GPD2: variants seen among roughly 807,000 people sequenced by gnomAD.
GPD2 encodes the protein glycerol-3-phosphate dehydrogenase, mitochondrial.
Under a neutral mutation model 82.4 loss-of-function variants are expected in GPD2, and 54 were observed. That is an observed-to-expected ratio of 0.66 (90% CI 0.53 to 0.82). GPD2 has a LOEUF of 0.82. Ranked by LOEUF, GPD2 falls within the 40% of genes least tolerant of loss-of-function variation. The probability of loss-of-function intolerance (pLI) is 0.00; values close to 1 mark genes in which losing one functional copy is unlikely to be tolerated. For missense variants in GPD2, 748 were observed against 896.2 expected, an observed-to-expected ratio of 0.83 and a Z score of 2.11; for synonymous variants, 288 against 306.1, an observed-to-expected ratio of 0.94 and a Z score of 0.62.
In GPD2 at chr2:156,554,378, T is replaced by A. The variant is rs143772339; in HGVS notation, c.972-3011T>A. Among the ~76,000 whole-genome samples the A allele has an allele frequency of 8.1e-3, 1,233 of 152,338 alleles. 5 individuals carry two copies. Among genetic ancestry groups the A allele is most frequent in the Non-Finnish European group, 0.012 (807 of 68,024 alleles). On this transcript the variant is annotated intron_variant, in intron 8 of 16. Coordinates refer to ENST00000438166, the MANE Select transcript of GPD2 (RefSeq NM_000408.5). ...AGTTAGAACCTGATCCATTTGGAAA[T>A]GCAGTGAGTTCAGCAAGCATTGATT...
intron 15 of GPD2, among the ~76,000 whole-genome samples, 169 bp downstream of exon 15, chr2:156,579,333 T>G (rs1316866164): frequency 6.7e-6 from 1 of 149,142 alleles, no homozygotes; most frequent in South Asian, 2.1e-4. Context: ...TTCTTTCTTT[T>G]TTTTTTTTTT....
chr2:156,451,888 G>T (rs991347569), intron 1 of GPD2, among the ~76,000 whole-genome samples: 1 of 150,700 alleles, frequency 6.6e-6, no homozygotes, highest in African/African-American at 2.4e-5. Context: ...GGGGCGGCCG[G>T]GCAGAGACGC....
At chr2:156,565,624 T>A (rs1231820641) in intron 9 of GPD2, among the ~76,000 whole-genome samples, 1 of 152,142 alleles carries the variant, frequency 6.6e-6, no homozygotes, top group Non-Finnish European at 1.5e-5. Context: ...ATGGGTTTGA[T>A]TAAACATCCT....
intron 6 of GPD2, among the ~76,000 whole-genome samples, chr2:156,527,327 A>G (rs1685646968): frequency 6.6e-6 from 1 of 151,364 alleles, no homozygotes; most frequent in Admixed American, 6.6e-5. Flanking sequence ...GGTGTAGATT[A>G]TATTCTCTGG....
chr2:156,493,598 T>G (rs1258342733), intron 2 of GPD2, among the ~76,000 whole-genome samples: 1 of 152,138 alleles, frequency 6.6e-6, no homozygotes, highest in East Asian at 1.9e-4. Flanking sequence ...TCAGTCAAGA[T>G]TAATGTTCAC....
intron 8 of GPD2, among the ~76,000 whole-genome samples, chr2:156,555,143 A>G (rs1686914027): frequency 6.6e-6 from 1 of 152,362 alleles, no homozygotes; most frequent in Non-Finnish European, 1.5e-5. Flanking sequence ...TTTAGAACTG[A>G]TGAAAGATAT....
intron 8 of GPD2, among the ~76,000 whole-genome samples, 169 bp from the exon 9 acceptor site, chr2:156,557,220 A>AT: frequency 6.6e-6 from 1 of 151,866 alleles, no homozygotes; most frequent in East Asian, 1.9e-4. Flanking sequence ...TATCTAAGTT[A>AT]TTTTTTTCTT....
rs146423594 is a variant in GPD2, at chr2:156,532,949, T to C, written c.662-16659T>C. ...TGCTGCATCAGAAAGGAGTCTCTGT[T>C]TGCTAGAAGAGCTATGTCAGCAGGT... On this transcript the variant is annotated intron_variant, in intron 6 of 16. Transcript: ENST00000438166. 8.1e-3 allele frequency among the ~76,000 whole-genome samples: 1,230 copies of C among 152,330 alleles called. 6 individuals carry two copies. Among genetic ancestry groups the C allele is most frequent in the Non-Finnish European group, 0.012 (807 of 68,018 alleles).
At chr2:156,543,800 G>C (rs1364037444) in intron 6 of GPD2, among the ~76,000 whole-genome samples, 1 of 152,182 alleles carries the variant, frequency 6.6e-6, no homozygotes, top group Non-Finnish European at 1.5e-5. Context: ...TGAAGGAGTG[G>C]TGGGCATTGA....
intron 1 of GPD2, among the ~76,000 whole-genome samples, chr2:156,440,045 T>G (rs1682113112): frequency 6.6e-6 from 1 of 152,148 alleles, no homozygotes; most frequent in Non-Finnish European, 1.5e-5. Context: ...TGAATGGAAC[T>G]AAACTAAGAA....
At chr2:156,570,319 A>T (rs2105365322) in intron 12 of GPD2, 101 bp downstream of exon 12, 1 of 1,044,368 alleles carries the variant, frequency 9.6e-7, no homozygotes, top group Admixed American at 1.7e-5. Flanking sequence ...GTTTTAATGC[A>T]CATATGTCAG....
intron 6 of GPD2, among the ~76,000 whole-genome samples, chr2:156,515,049 A>G (rs185914201): frequency 2.0e-5 from 3 of 152,254 alleles, no homozygotes; most frequent in East Asian, 3.9e-4. Context: ...CTCATTTTCT[A>G]TACTTTGTGA....
the GPD2 span, among the ~76,000 whole-genome samples, chr2:156,403,293 C>T: frequency 2.6e-5 from 4 of 151,996 alleles, no homozygotes; most frequent in Non-Finnish European, 4.4e-5. Flanking sequence ...ATTTTTCGTT[C>T]CAAATTGATC....
At chr2:156,534,921 G>T (rs1003972704) in intron 6 of GPD2, among the ~76,000 whole-genome samples, 1 of 152,156 alleles carries the variant, frequency 6.6e-6, no homozygotes, top group African/African-American at 2.4e-5. Context: ...GTGTGTGAGA[G>T]AATCTAGGAA....
At chr2:156,496,264 G>A in intron 3 of GPD2, 49 bp downstream of exon 3, 2 of 1,270,362 alleles carry the variant, frequency 1.6e-6, no homozygotes, top group Non-Finnish European at 2.3e-6. Flanking sequence ...GGGTACATGT[G>A]CAGGATGTGC....
intron 4 of GPD2, among the ~76,000 whole-genome samples, chr2:156,511,689 T>C (rs1178247806): frequency 1.3e-5 from 2 of 152,228 alleles, no homozygotes; most frequent in African/African-American, 4.8e-5. Context: ...GAGTCTGTTA[T>C]CTTATTTGTA....
intron 8 of GPD2, among the ~76,000 whole-genome samples, chr2:156,556,074 A>G (rs537696069): frequency 1.3e-5 from 2 of 152,276 alleles, no homozygotes; most frequent in Non-Finnish European, 2.9e-5. Context: ...TATATAAAAT[A>G]TTATCATTAT....
At chr2:156,567,277 T>A (rs1462711073) in intron 9 of GPD2, among the ~76,000 whole-genome samples, 1 of 152,086 alleles carries the variant, frequency 6.6e-6, no homozygotes, top group Non-Finnish European at 1.5e-5. Flanking sequence ...TATTGACAAA[T>A]CTAGTGTCAT....
At chr2:156,404,025 A>G in the GPD2 span, among the ~76,000 whole-genome samples, 22 of 152,172 alleles carry the variant, frequency 1.4e-4, no homozygotes, top group African/African-American at 5.3e-4. Flanking sequence ...GCCCGACTAG[A>G]AAAAATTCTG....
Sources: allele counts gnomAD v4.1 joint callset (sites outside exome capture counted in the v4.1 genomes callset), GRCh38; gene constraint gnomAD v4.1.1; transcripts MANE v1.5; gene names NCBI Gene and HGNC (gene_info 2026-07-23, HGNC 2026-07-21).